Variants in MYO19 observed in about 807,000 individuals in gnomAD.
MYO19 encodes unconventional myosin-XIX.
MYO19 carries 132 observed loss-of-function variants against 129.2 expected under a neutral mutation model. The ratio of observed to expected loss-of-function variants is 1.02; its 90% confidence interval spans 0.89 to 1.18. The LOEUF is 1.18. MYO19 is among the 50% of genes most tolerant of loss of function. MYO19 has a pLI of 0.00. For synonymous variants in MYO19, 531 were observed against 477.2 expected (o/e 1.11, Z -1.47); for missense variants, 1,210 against 1,216.7 (o/e 0.99, Z 0.08).
Position 36,506,504 on chromosome 17 carries a change from G to A in MYO19, c.1749C>T (p.Pro583=), listed in dbSNP as rs1321112117. Residue 583 remains proline, a synonymous_variant, in exon 18 of 26, where the codon CCC becomes CCT. Coordinates refer to ENST00000614623, the MANE Select transcript of MYO19 (RefSeq NM_001163735.2). ...ACACAGGGGCCCTGCTCTGGCCAGGGGGTTCCTCCTGGGTCTTCTCTTTGG... is the reference window on the plus strand; with the variant it reads ...ACACAGGGGCCCTGCTCTGGCCAGGAGGTTCCTCCTGGGTCTTCTCTTTGG... ...TNPKEKTQEE[P]PGQSRAPVLT... The A allele has an allele frequency of 6.2e-7, 1 of 1,610,666 alleles. No individual in the cohort carries two copies. The highest frequency in any genetic ancestry group is 1.3e-5 in the African/African-American group (1 of 74,586).
intron 6 of MYO19, among the ~76,000 whole-genome samples, chr17:36,517,020 A>T (rs184540305): frequency 3.3e-5 from 5 of 152,066 alleles, no homozygotes; most frequent in Admixed American, 2.0e-4. Flanking sequence ...TATGACTTCA[A>T]TTTCTTTCAG....
Position 36,521,176 on chromosome 17 carries a change from C to T in MYO19, c.414+4052G>A, listed in dbSNP as rs116162257. Reference sequence around the variant, plus strand: ...GAAAAGTTATGGCCATTCAGGGATCCCACAAGTTTAAAAAGCTACTTACAG... The same window carrying T: ...GAAAAGTTATGGCCATTCAGGGATCTCACAAGTTTAAAAAGCTACTTACAG... On this transcript the variant is annotated intron_variant, in intron 6 of 25. Coordinates refer to ENST00000614623, the MANE Select transcript of MYO19 (RefSeq NM_001163735.2). Among the ~76,000 whole-genome samples the T allele has an allele frequency of 5.1e-3, 777 of 152,228 alleles. 12 individuals are homozygous for T. Among genetic ancestry groups the T allele is most frequent in the East Asian group, 0.026 (137 of 5,188 alleles).
At chr17:36,512,472 C>A (rs1399284638) in intron 11 of MYO19, among the ~76,000 whole-genome samples, 1 of 152,112 alleles carries the variant, frequency 6.6e-6, no homozygotes, top group African/African-American at 2.4e-5. Context: ...TGGTCCCAGG[C>A]AGGGTGCCTC....
intron 5 of MYO19, among the ~76,000 whole-genome samples, chr17:36,525,872 G>C (rs1376299849): frequency 3.3e-5 from 5 of 152,160 alleles, no homozygotes; most frequent in Non-Finnish European, 5.9e-5. Context: ...CAATCAAGCT[G>C]GATGCTGAGG....
At chr17:36,516,393 C>T (rs1032706737) in intron 6 of MYO19, among the ~76,000 whole-genome samples, 4 of 151,604 alleles carry the variant, frequency 2.6e-5, no homozygotes, top group African/African-American at 4.8e-5. Context: ...TTTTCCGAGA[C>T]GGAGTCTCAT....
chr17:36,506,254 CCAT>C lies in MYO19; in HGVS notation c.1797+199_1797+201del, dbSNP rs1406522111. On this transcript the variant is annotated intron_variant, in intron 18 of 25. Transcript: ENST00000614623. Reference sequence around the variant, plus strand: ...GTGCCCCCATAGGCCCCTAGACTTCCCATCATATTATACCTGATAGCCTATTTG... The same window carrying C: ...GTGCCCCCATAGGCCCCTAGACTTCCCATATTATACCTGATAGCCTATTTG... Among the ~76,000 whole-genome samples the C allele has an allele frequency of 3.3e-5, 5 of 152,224 alleles. No homozygotes were observed. The East Asian group carries it at 5.8e-4, about 18-fold the overall frequency.
chr17:36,502,221 CCT>C (rs1044893951), intron 21 of MYO19, among the ~76,000 whole-genome samples: 1 of 152,180 alleles, frequency 6.6e-6, no homozygotes, highest in African/African-American at 2.4e-5. Context: ...GCTCCCACAG[CCT>C]CTCTTTTATC....
At chr17:36,504,929 A>G (rs1042766583) in intron 19 of MYO19, 62 of 277,798 alleles carry the variant, frequency 2.2e-4, no homozygotes, top group South Asian at 8.5e-4. Context: ...AAAAAAAAAA[A>G]AGAAAAAAAT....
chr17:36,540,944 C>T (rs1189427908), intron 2 of MYO19, among the ~76,000 whole-genome samples: 2 of 152,060 alleles, frequency 1.3e-5, no homozygotes, highest in African/African-American at 4.8e-5. Context: ...ATAATCTGTC[C>T]AGGACCTCAG....
intron 23 of MYO19, 163 bp from the exon 24 acceptor site, chr17:36,499,323 A>C: frequency 2.1e-6 from 1 of 486,778 alleles, no homozygotes; most frequent in South Asian, 2.0e-5. Flanking sequence ...TACATAAGGC[A>C]AAATTGGCTT....
intron 11 of MYO19, among the ~76,000 whole-genome samples, chr17:36,511,767 G>GGGCC (rs1290843865): frequency 4.6e-5 from 7 of 152,182 alleles, no homozygotes; most frequent in African/African-American, 1.7e-4. Flanking sequence ...GGCAGCCTGT[G>GGGCC]GGCCTCCATG....
rs1287730341 is a variant in MYO19, at chr17:36,498,474, G to A, written c.2549C>T (p.Ser850Leu). 14 of 1,613,948 alleles carry A rather than the reference G, an allele frequency of 8.7e-6. No homozygotes were observed. The highest frequency in any genetic ancestry group is 1.3e-5 in the African/African-American group (1 of 74,938). The change falls in exon 25 of 26, where the codon TCG becomes TTG. Residue 850 changes from serine to leucine, a missense_variant. Ser to Leu is a moderately radical substitution (Grantham distance 145, BLOSUM62 -2). Transcript: ENST00000614623. ...CTCCAGGAGCCTGGTCTGCAGCGGC[G>A]AGGTGCTCAGGGAACAGGGAGCTTG... ...FSQAPCSLST[S>L]PLQTRLLEAI... is the part of the protein sequence containing the mutation.
chr17:36,513,000 G>A lies in MYO19; in HGVS notation c.894+429C>T, dbSNP rs140343603. The A allele has an allele frequency of 7.0e-5, 60 of 858,940 alleles. No individual in the cohort carries two copies. In the African/African-American group the frequency reaches 8.8e-4, roughly 13 times the overall value. 53.2% of individuals were successfully genotyped at this position (858,940 alleles called of 1,614,324 possible). On this transcript the variant is annotated intron_variant, in intron 11 of 25. Transcript: ENST00000614623. ...CTTAGTGGTATCTGACCTTGGGCAC[G>A]TCACTTTACCTCTCTGGTTTTCTCA...
intron 2 of MYO19, among the ~76,000 whole-genome samples, chr17:36,541,851 G>A (rs2142633472): frequency 6.6e-6 from 1 of 152,254 alleles, no homozygotes; most frequent in South Asian, 2.1e-4. Flanking sequence ...GGTGGTTATG[G>A]CTAAAAATAG....
intron 7 of MYO19, 121 bp from the exon 8 acceptor site, chr17:36,515,303 T>C (rs559153524): frequency 1.0e-5 from 8 of 781,050 alleles, no homozygotes; most frequent in African/African-American, 8.8e-5. Flanking sequence ...GGCCCCTTTG[T>C]TGGTTTTCAT....
chr17:36,526,469 C>T (rs1293924430), intron 5 of MYO19, among the ~76,000 whole-genome samples: 1 of 152,196 alleles, frequency 6.6e-6, no homozygotes, highest in Non-Finnish European at 1.5e-5. Context: ...TGTACCTCCA[C>T]CACCCCACCC....
intron 6 of MYO19, among the ~76,000 whole-genome samples, chr17:36,518,066 G>T (rs1166781321): frequency 1.3e-5 from 2 of 150,702 alleles, no homozygotes; most frequent in East Asian, 3.9e-4. Context: ...CTCCAGCCTG[G>T]GCAACAATAG....
chr17:36,514,450 T>G lies in MYO19; in HGVS notation c.716A>C (p.Tyr239Ser). 1.9e-6 allele frequency: 3 copies of G among 1,609,680 alleles called. No homozygotes were observed. Among genetic ancestry groups the G allele is most frequent in the Non-Finnish European group, 2.6e-6 (3 of 1,175,976 alleles). Residue 239 changes from tyrosine (Y) to serine (S), a missense_variant, in exon 9 of 26, where the codon TAT becomes TCT. Coordinates refer to ENST00000614623, the MANE Select transcript of MYO19 (RefSeq NM_001163735.2). ...ASSERNFHIFYQICKGASEDE... is the reference protein window; with the variant it reads ...ASSERNFHIFSQICKGASEDE... Reference sequence around the variant, plus strand: ...GTGGCCCCATTTGGCACAAACCTGATAGAAGATGTGGAAGTTCCTCTCACT... The same window carrying G: ...GTGGCCCCATTTGGCACAAACCTGAGAGAAGATGTGGAAGTTCCTCTCACT...
At chr17:36,518,248 G>A (rs1358956913) in intron 6 of MYO19, among the ~76,000 whole-genome samples, 1 of 151,924 alleles carries the variant, frequency 6.6e-6, no homozygotes, top group Non-Finnish European at 1.5e-5. Context: ...GAGGCGAGCT[G>A]ATCACTTGAG....
Sources: gnomAD v4.1 joint callset for allele counts (sites outside exome capture counted in the v4.1 genomes callset) on GRCh38, gnomAD v4.1.1 for gene constraint, MANE v1.5 for transcripts, NCBI Gene and HGNC (gene_info 2026-07-23, HGNC 2026-07-21) for gene names.